KIAA1549L: variants seen among roughly 807,000 people sequenced by gnomAD.
KIAA1549L encodes UPF0606 protein KIAA1549L.
KIAA1549L carries 88 observed loss-of-function variants against 160.7 expected under a neutral mutation model. The ratio of observed to expected loss-of-function variants is 0.55; its 90% CI spans 0.46 to 0.65. KIAA1549L has a LOEUF of 0.65. Ranked by LOEUF, KIAA1549L falls within the 30% of genes least tolerant of loss-of-function variation. The pLI is 0.00. For missense variants in KIAA1549L, 2,258 were observed against 2,437.5 expected (o/e 0.93, Z 1.55); for synonymous variants, 950 against 976.7 (o/e 0.97, Z 0.51).
intron 6 of KIAA1549L, among the ~76,000 whole-genome samples, chr11:33,558,446 T>G (rs1245754635): frequency 2.0e-5 from 3 of 152,066 alleles, no homozygotes; most frequent in Admixed American, 2.0e-4. Flanking sequence ...CTCTCCCATA[T>G]CCTCCCGAAG....
chr11:33,486,088 G>A (rs1241285378), intron 1 of KIAA1549L, among the ~76,000 whole-genome samples: 5 of 152,182 alleles, frequency 3.3e-5, no homozygotes, highest in Non-Finnish European at 7.3e-5. Flanking sequence ...GAACATGGAA[G>A]TGCAGGTATC....
At position 33,552,256 on chromosome 11, in the gene KIAA1549L, G is replaced by C. The variant is rs757988472; in HGVS notation, c.3855+15G>C. On this transcript the variant is annotated intron_variant, in intron 6 of 20. Coordinates refer to ENST00000658780, the MANE Select transcript of KIAA1549L (RefSeq NM_012194.3). ...TGACAATTCAGGTAGGGAGGAAGGT[G>C]CTTCAGGCTGTGTAGTTGACAGACA... is the stretch of plus-strand genomic sequence containing the variant. 3 of 1,591,992 alleles carry C rather than the reference G, an allele frequency of 1.9e-6. No individual in the cohort carries two copies. Among genetic ancestry groups the C allele is most frequent in the South Asian group, 1.1e-5 (1 of 87,324 alleles).
chr11:33,544,938 C>A lies in KIAA1549L; in HGVS notation c.2945C>A (p.Ala982Asp), dbSNP rs568408709. ...AAGAGCAGTTCGATGACTACTCTTG[C>A]TAAAAATGTCACAAACAAGGCCGCA... ...PAKSSSMTTL[A>D]KNVTNKAASG... is the part of the protein sequence containing the mutation. The change falls in exon 3 of 21, where the codon GCT (alanine) becomes GAT (aspartate). Residue 982 changes from alanine to aspartate, a missense_variant. By Grantham distance (126) the Ala-to-Asp change is moderately radical (BLOSUM62 -2). Transcript: ENST00000658780. The A allele has an allele frequency of 1.2e-4, 188 of 1,613,632 alleles. No homozygotes were observed. Among genetic ancestry groups the A allele is most frequent in the Non-Finnish European group, 1.5e-4 (181 of 1,179,726 alleles).
chr11:33,668,519 G>T lies in KIAA1549L; in HGVS notation c.*365G>T. ...AAATCACCGGAAGCGGGAGAATGTA[G>T]CTCTTATCTTCGGTGACCTCTGCAT... On this transcript the variant is annotated 3_prime_UTR_variant, in exon 21 of 21. Transcript: ENST00000658780. 3.4e-6 allele frequency: 1 copy of T among 292,272 alleles called. No individual in the cohort carries two copies. Among genetic ancestry groups the T allele is most frequent in the Non-Finnish European group, 6.5e-6 (1 of 153,228 alleles). 18.1% of individuals were successfully genotyped at this position (292,272 alleles called of 1,614,324 possible).
intron 16 of KIAA1549L, among the ~76,000 whole-genome samples, chr11:33,623,530 G>A (rs1007067956): frequency 6.6e-6 from 1 of 152,190 alleles, no homozygotes; most frequent in South Asian, 2.1e-4. Context: ...TAATCCAAGA[G>A]AAATATCTGC....
chr11:33,376,309 CT>C lies in KIAA1549L; in HGVS notation c.-342del, dbSNP rs1350920282. ...CCCCCGTTCCCGGCAGCCTCGCCCC[CT>C]AGTTCTGCAGGAGCCGGCCCGGGGG... is the stretch of plus-strand genomic sequence containing the variant. On this transcript the variant is annotated 5_prime_UTR_variant, in exon 1 of 21. Transcript: ENST00000658780. This position sits in a 1 kb window ranked among gnomAD's most constrained non-coding sequence, Gnocchi z 5.8. Among the ~76,000 whole-genome samples the C allele has an allele frequency of 6.7e-6, 1 of 148,876 alleles. No homozygotes were observed. Among genetic ancestry groups the C allele is most frequent in the East Asian group, 2.0e-4 (1 of 4,978 alleles).
At chr11:33,439,216 T>A (rs1477719019) in intron 1 of KIAA1549L, among the ~76,000 whole-genome samples, 1 of 151,802 alleles carries the variant, frequency 6.6e-6, no homozygotes, top group Non-Finnish European at 1.5e-5. Context: ...CTGGCCTAAA[T>A]TGAAATTTTT....
chr11:33,487,723 G>T (rs528024409), intron 1 of KIAA1549L, among the ~76,000 whole-genome samples: 81 of 152,210 alleles, frequency 5.3e-4, no homozygotes, highest in African/African-American at 1.9e-3. Flanking sequence ...GTATTTTCCG[G>T]AAGTTTTCTT....
intron 16 of KIAA1549L, among the ~76,000 whole-genome samples, chr11:33,630,713 A>G (rs1339746814): frequency 2.0e-5 from 3 of 151,988 alleles, no homozygotes; most frequent in Non-Finnish European, 4.4e-5. Context: ...CCGGTACCTC[A>G]GATAGAAATG....
chr11:33,645,597 C>T, intron 16 of KIAA1549L, 89 bp from the exon 17 acceptor site: 1 of 954,912 alleles, frequency 1.0e-6, no homozygotes, highest in Non-Finnish European at 1.6e-6. Flanking sequence ...ATCCTAGCAC[C>T]TGTCCAAGTG....
In KIAA1549L at chr11:33,574,887, CT is replaced by C. The variant is rs748973378; in HGVS notation, c.4402+19del. 1 of 1,605,130 alleles carries C rather than the reference CT, an allele frequency of 6.2e-7. No homozygotes were observed. Among genetic ancestry groups the C allele is most frequent in the Admixed American group, 1.7e-5 (1 of 58,864 alleles). On this transcript the variant is annotated intron_variant, in intron 10 of 20. Coordinates refer to ENST00000658780, the MANE Select transcript of KIAA1549L (RefSeq NM_012194.3). ...TGCAAGCTGACCGTAAGGGAATGGT[CT>C]TTTTATTCAGTCTTTTTAATGCCAT... is the stretch of plus-strand genomic sequence containing the variant.
rs551017269 is a variant in KIAA1549L, at chr11:33,545,264, C to A, written c.3271C>A (p.Arg1091=). ...SVKATRLPPL[R]AENTDAVLPA... is the part of the protein sequence containing the mutation. ...GAAGGCCACCCGGTTGCCACCATTG[C>A]GAGCAGAAAACACAGATGCTGTCCT... The change falls in exon 3 of 21, where the codon CGA becomes AGA. Residue 1091 remains arginine (R), a synonymous_variant. Transcript: ENST00000658780. The A allele has an allele frequency of 1.4e-5, 22 of 1,613,958 alleles. No homozygotes were observed. In the East Asian group the frequency reaches 1.8e-4, roughly 13 times the overall value.
rs1156773732 is a variant in KIAA1549L, at chr11:33,544,982, C to G, written c.2989C>G (p.Pro997Ala). The G allele has an allele frequency of 3.1e-6, 5 of 1,613,958 alleles. No individual in the cohort carries two copies. The highest frequency in any genetic ancestry group is 3.4e-6 in the Non-Finnish European group (4 of 1,179,882). Residue 997 changes from proline to alanine, a missense_variant, in exon 3 of 21, where the codon CCA (proline) becomes GCA (alanine). Transcript: ENST00000658780. ...GGCCGCATCTGGCCCAAAGAGGACACCAGGGGCAGTCCATACAGCCTTCCC... is the reference window on the plus strand; with the variant it reads ...GGCCGCATCTGGCCCAAAGAGGACAGCAGGGGCAGTCCATACAGCCTTCCC... ...NKAASGPKRTPGAVHTAFPFT... is the reference protein window; with the variant it reads ...NKAASGPKRTAGAVHTAFPFT...
intron 9 of KIAA1549L, among the ~76,000 whole-genome samples, chr11:33,570,027 G>A (rs531730893): frequency 1.3e-4 from 18 of 133,364 alleles, no homozygotes; most frequent in Admixed American, 2.4e-4. Flanking sequence ...TTTTTGAGAC[G>A]GAGTCTCACT....
At chr11:33,471,881 C>G (rs1852184590) in intron 1 of KIAA1549L, among the ~76,000 whole-genome samples, 1 of 152,218 alleles carries the variant, frequency 6.6e-6, no homozygotes, top group African/African-American at 2.4e-5. Flanking sequence ...GTTTCTTTAT[C>G]AGAACCTTAT....
intron 1 of KIAA1549L, among the ~76,000 whole-genome samples, chr11:33,443,552 T>C (rs983730388): frequency 6.6e-6 from 1 of 152,166 alleles, no homozygotes; most frequent in Non-Finnish European, 1.5e-5. Flanking sequence ...AATGGGGCTT[T>C]TGGTTAGAGA....
At chr11:33,596,868 C>T (rs989879442) in intron 12 of KIAA1549L, among the ~76,000 whole-genome samples, 2 of 152,124 alleles carry the variant, frequency 1.3e-5, no homozygotes, top group Non-Finnish European at 2.9e-5. Context: ...GAGTAGGTGC[C>T]ATTCACCAGA....
chr11:33,625,654 A>ATT (rs1486918596), intron 16 of KIAA1549L, among the ~76,000 whole-genome samples: 1 of 152,014 alleles, frequency 6.6e-6, no homozygotes, highest in Non-Finnish European at 1.5e-5. Flanking sequence ...GATTCTGGAT[A>ATT]TTAGCCCTTT....
At chr11:33,456,384 A>T (rs911585) in intron 1 of KIAA1549L, among the ~76,000 whole-genome samples, 5 of 150,216 alleles carry the variant, frequency 3.3e-5, no homozygotes, top group Non-Finnish European at 7.4e-5. Context: ...GGTAGGCACA[A>T]GTAGGGTGCA....
Sources: allele counts gnomAD v4.1 joint callset (sites outside exome capture counted in the v4.1 genomes callset), GRCh38; gene constraint gnomAD v4.1.1; non-coding constraint Gnocchi (gnomAD v3.1); transcripts MANE v1.5; gene names NCBI Gene and HGNC (gene_info 2026-07-23, HGNC 2026-07-21).